Variants in ERC2 observed in about 807,000 individuals in gnomAD.
The protein encoded by ERC2 is ERC protein 2.
In ERC2, 42 loss-of-function variants were observed where a neutral mutation model predicts 114.8. That is an observed-to-expected ratio of 0.37 (90% CI 0.29 to 0.47). The LOEUF (loss-of-function observed/expected upper bound fraction) is 0.47. Ranked by LOEUF, ERC2 falls within the 20% of genes least tolerant of loss-of-function variation. The pLI is 0.99. For synonymous variants in ERC2, 454 were observed against 425.5 expected, an observed-to-expected ratio of 1.07 and a Z score of -0.82; for missense variants, 939 against 1,150.7, an observed-to-expected ratio of 0.82 and a Z score of 2.66.
intron 2 of ERC2, among the ~76,000 whole-genome samples, chr3:56,300,291 A>G (rs989277566): frequency 5.7e-4 from 87 of 151,920 alleles, no homozygotes; most frequent in African/African-American, 2.0e-3. Context: ...AAAAAAAAAA[A>G]AAAAGAAAAA....
At chr3:56,436,460 T>A (rs1576957575) in intron 1 of ERC2, among the ~76,000 whole-genome samples, 1 of 152,184 alleles carries the variant, frequency 6.6e-6, no homozygotes, top group South Asian at 2.1e-4. Flanking sequence ...TATTTTCACC[T>A]GCCTATCATT....
At chr3:56,010,170 T>C (rs1370724293) in intron 9 of ERC2, among the ~76,000 whole-genome samples, 1 of 152,184 alleles carries the variant, frequency 6.6e-6, no homozygotes, top group African/African-American at 2.4e-5. Flanking sequence ...TACAGAATCC[T>C]TTAAGCTGTG....
At chr3:55,699,336 A>T (rs775777005) in intron 16 of ERC2, 42 bp downstream of exon 16, 1 of 1,610,352 alleles carries the variant, frequency 6.2e-7, no homozygotes, top group South Asian at 1.1e-5. Context: ...AAATATCTAA[A>T]GGGTAAAAGG....
chr3:56,027,291 T>C (rs941115107), intron 7 of ERC2, among the ~76,000 whole-genome samples: 1 of 152,230 alleles, frequency 6.6e-6, no homozygotes, highest in Admixed American at 6.5e-5. Context: ...ACGGGTTTTA[T>C]TTTTTCGGTG....
chr3:56,315,494 T>C (rs1006245136), intron 2 of ERC2, among the ~76,000 whole-genome samples: 22 of 152,218 alleles, frequency 1.4e-4, no homozygotes, highest in African/African-American at 5.1e-4. Context: ...TATTTTATTG[T>C]ATCTGGATAA....
rs535392292 is a variant in ERC2, at chr3:56,223,516, G to T, written c.1075-49996C>A. 6.2e-3 allele frequency among the ~76,000 whole-genome samples: 364 copies of T among 58,376 alleles called. 1 individual carries two copies. The South Asian group carries it at 0.093, about 15-fold the overall frequency. The allele number at this position is 58,376 out of a possible 152,430, so 38.3% of individuals were successfully genotyped here. On this transcript the variant is annotated intron_variant, in intron 3 of 17. Coordinates refer to ENST00000288221, the MANE Select transcript of ERC2 (RefSeq NM_015576.3). ...AACTCAAAGGCTACCAAAGAAAAATGGCAAAAAAAAAAAAAAAAAAAAAAT... is the reference window on the plus strand; with the variant it reads ...AACTCAAAGGCTACCAAAGAAAAATTGCAAAAAAAAAAAAAAAAAAAAAAT...
intron 3 of ERC2, among the ~76,000 whole-genome samples, chr3:56,221,032 T>C (rs2049868898): frequency 6.6e-6 from 1 of 152,142 alleles, no homozygotes; most frequent in Non-Finnish European, 1.5e-5. Context: ...CTAAGTTAAA[T>C]ATACATAATA....
At chr3:56,090,788 C>T (rs1482560782) in intron 6 of ERC2, among the ~76,000 whole-genome samples, 1 of 68,698 alleles carries the variant, frequency 1.5e-5, no homozygotes. Flanking sequence ...TCCCTGGCTC[C>T]CCCTACCCTT....
chr3:55,714,665 GTGTATA>G (rs1236596042), intron 15 of ERC2, among the ~76,000 whole-genome samples: 36 of 36,644 alleles, frequency 9.8e-4, no homozygotes, highest in East Asian at 2.9e-3. Context: ...GTGTGTGTGT[GTGTATA>G]TATATATATA....
intron 14 of ERC2, among the ~76,000 whole-genome samples, chr3:55,862,127 CA>C (rs1357061068): frequency 6.6e-6 from 1 of 152,068 alleles, no homozygotes; most frequent in Non-Finnish European, 1.5e-5. Context: ...GCTATTTAAG[CA>C]AAACACACAC....
At chr3:55,788,322 C>G (rs921035049) in intron 14 of ERC2, among the ~76,000 whole-genome samples, 1 of 152,146 alleles carries the variant, frequency 6.6e-6, no homozygotes, top group African/African-American at 2.4e-5. Flanking sequence ...TTGACCACAG[C>G]AGGAGCCACT....
intron 4 of ERC2, among the ~76,000 whole-genome samples, chr3:56,169,376 T>C (rs2082499123): frequency 6.6e-6 from 1 of 152,254 alleles, no homozygotes; most frequent in Non-Finnish European, 1.5e-5. Flanking sequence ...TCTTTTCAGC[T>C]TCAGCTGCTA....
At chr3:56,344,816 A>G (rs1299088720) in intron 2 of ERC2, among the ~76,000 whole-genome samples, 2 of 152,178 alleles carry the variant, frequency 1.3e-5, no homozygotes, top group Non-Finnish European at 2.9e-5. Flanking sequence ...TCTATTCACC[A>G]TTAGGTGTCT....
At chr3:56,220,687 C>A (rs2049844177) in intron 3 of ERC2, among the ~76,000 whole-genome samples, 1 of 152,358 alleles carries the variant, frequency 6.6e-6, no homozygotes, top group Admixed American at 6.5e-5. Context: ...TTCACCACTG[C>A]CACAGAGAAT....
intron 2 of ERC2, among the ~76,000 whole-genome samples, chr3:56,382,290 G>A (rs138934096): frequency 1.7e-3 from 263 of 151,946 alleles, no homozygotes; most frequent in Non-Finnish European, 1.2e-3. Flanking sequence ...TTTCTACCAG[G>A]TCAGATCCTA....
At chr3:55,911,791 T>C (rs544937478) in intron 13 of ERC2, among the ~76,000 whole-genome samples, 120 of 152,356 alleles carry the variant, frequency 7.9e-4, no homozygotes, top group Non-Finnish European at 1.4e-3. Context: ...GGACTTAAAG[T>C]AGCAAATATC....
At chr3:56,164,378 T>A (rs2082214386) in intron 4 of ERC2, among the ~76,000 whole-genome samples, 1 of 152,096 alleles carries the variant, frequency 6.6e-6, no homozygotes, top group African/African-American at 2.4e-5. Context: ...TTCTTCCATT[T>A]AGCATAATGT....
chr3:56,065,348 G>A (rs755926168), intron 7 of ERC2, among the ~76,000 whole-genome samples: 1 of 151,412 alleles, frequency 6.6e-6, no homozygotes, highest in South Asian at 2.1e-4. Context: ...TCAGCCTCCC[G>A]AACAGGTGGA....
chr3:55,744,222 G>A lies in ERC2; in HGVS notation c.2565-9304C>T, dbSNP rs775288968. Among the ~76,000 whole-genome samples the A allele has an allele frequency of 5.9e-5, 9 of 152,226 alleles. No homozygotes were observed. In the South Asian group the frequency reaches 1.7e-3, roughly 28 times the overall value. Reference sequence around the variant, plus strand: ...GTTCGAGACCAACCTGGCCAACATGGTGAAACCCCATCTCTACTAAAAATA... The same window carrying A: ...GTTCGAGACCAACCTGGCCAACATGATGAAACCCCATCTCTACTAAAAATA... On this transcript the variant is annotated intron_variant, in intron 14 of 17. Coordinates refer to ENST00000288221, the MANE Select transcript of ERC2 (RefSeq NM_015576.3).
Sources: gnomAD v4.1 joint callset for allele counts (sites outside exome capture counted in the v4.1 genomes callset) on GRCh38, gnomAD v4.1.1 for gene constraint, MANE v1.5 for transcripts, NCBI Gene and HGNC (gene_info 2026-07-23, HGNC 2026-07-21) for gene names.